ZFAND3: variants seen among roughly 807,000 people sequenced by gnomAD.
ZFAND3 encodes the protein AN1-type zinc finger protein 3.
A neutral mutation model predicts 29.6 loss-of-function variants in ZFAND3; 10 were observed. That is an observed-to-expected ratio of 0.34 (90% CI 0.21 to 0.57). The LOEUF is 0.57. ZFAND3 is among the 20% of genes least tolerant of loss of function. ZFAND3 has a pLI of 0.86. For missense variants in ZFAND3, 230 were observed against 304.5 expected (o/e 0.76, Z 1.82); for synonymous variants, 128 against 112.6 (o/e 1.14, Z -0.87).
At chr6:37,994,118 CTGTG>C (rs10535939) in intron 2 of ZFAND3, among the ~76,000 whole-genome samples, 55,074 of 150,592 alleles carry the variant, frequency 0.37, 10,696 homozygotes, top group East Asian at 0.57. Flanking sequence ...GAGTGTGTGT[CTGTG>C]TGTGTGTGTG....
chr6:38,094,370 T>G (rs1048079878), intron 4 of ZFAND3, among the ~76,000 whole-genome samples: 1 of 151,926 alleles, frequency 6.6e-6, no homozygotes, highest in African/African-American at 2.4e-5. Flanking sequence ...GCTCTCTTTG[T>G]TTTTTAATAA....
At chr6:37,973,696 A>G (rs1332179518) in intron 2 of ZFAND3, among the ~76,000 whole-genome samples, 2 of 152,238 alleles carry the variant, frequency 1.3e-5, no homozygotes, top group African/African-American at 4.8e-5. Flanking sequence ...TCTGAGAGAA[A>G]GTGATCCTTT....
At chr6:38,082,857 G>C (rs1210847747) in intron 4 of ZFAND3, among the ~76,000 whole-genome samples, 3 of 151,958 alleles carry the variant, frequency 2.0e-5, no homozygotes, top group Non-Finnish European at 4.4e-5. Context: ...TACTATTTTT[G>C]GATAATTATT....
intron 4 of ZFAND3, among the ~76,000 whole-genome samples, chr6:38,109,501 G>A (rs372619784): frequency 1.3e-5 from 2 of 152,000 alleles, no homozygotes; most frequent in African/African-American, 4.8e-5. Flanking sequence ...TTTCATTTAA[G>A]ATTGTTCTAT....
intron 1 of ZFAND3, among the ~76,000 whole-genome samples, chr6:37,864,702 T>G (rs1764553674): frequency 6.6e-6 from 1 of 152,158 alleles, no homozygotes; most frequent in South Asian, 2.1e-4. Flanking sequence ...TATGTGTGTA[T>G]GTTCATATGT....
intron 1 of ZFAND3, among the ~76,000 whole-genome samples, chr6:37,839,483 G>A (rs1384453757): frequency 1.4e-5 from 2 of 141,902 alleles, no homozygotes; most frequent in African/African-American, 5.3e-5. Context: ...TGCCCGGCCA[G>A]TTATTTTTTT....
At chr6:38,116,131 A>G (rs74909805) in intron 4 of ZFAND3, among the ~76,000 whole-genome samples, 9,973 of 152,308 alleles carry the variant, frequency 0.065, 450 homozygotes, top group Middle Eastern at 0.11. Context: ...ACAGAGATAC[A>G]TTAGACATAG....
chr6:38,150,514 C>T (rs1766199902), intron 5 of ZFAND3, among the ~76,000 whole-genome samples: 1 of 152,228 alleles, frequency 6.6e-6, no homozygotes, highest in African/African-American at 2.4e-5. Context: ...GAGTACATCA[C>T]ACACTTTTCT....
intron 3 of ZFAND3, among the ~76,000 whole-genome samples, chr6:38,069,331 A>C (rs1764407354): frequency 6.6e-6 from 1 of 152,182 alleles, no homozygotes; most frequent in African/African-American, 2.4e-5. Context: ...ATTTATTTAC[A>C]GTTCTCTGTG....
intron 5 of ZFAND3, among the ~76,000 whole-genome samples, chr6:38,124,400 C>CG (rs1562008371): frequency 1.3e-5 from 2 of 152,330 alleles, no homozygotes; most frequent in African/African-American, 4.8e-5. Flanking sequence ...AGGGGAGGCT[C>CG]GGGGCTGCGC....
intron 4 of ZFAND3, among the ~76,000 whole-genome samples, chr6:38,086,459 G>A (rs1764759559): frequency 6.6e-6 from 1 of 152,136 alleles, no homozygotes; most frequent in South Asian, 2.1e-4. Context: ...GTGAGTTAAA[G>A]CACATCATAC....
At chr6:38,139,044 T>A (rs1254044105) in intron 5 of ZFAND3, among the ~76,000 whole-genome samples, 1 of 152,126 alleles carries the variant, frequency 6.6e-6, no homozygotes, top group Non-Finnish European at 1.5e-5. Context: ...GGAGAAACCA[T>A]GAAGGATTCC....
chr6:38,121,281 T>G (rs544418799), intron 5 of ZFAND3, among the ~76,000 whole-genome samples: 1 of 152,290 alleles, frequency 6.6e-6, no homozygotes, highest in Admixed American at 6.5e-5. Flanking sequence ...GAGGCCAAGG[T>G]GGGAGGATGG....
intron 2 of ZFAND3, among the ~76,000 whole-genome samples, chr6:38,039,276 G>C (rs973672266): frequency 4.6e-5 from 7 of 152,190 alleles, no homozygotes; most frequent in Admixed American, 3.3e-4. Flanking sequence ...GAGATGATCT[G>C]AGGGTGTATA....
intron 1 of ZFAND3, among the ~76,000 whole-genome samples, chr6:37,854,229 G>GCAT (rs1764335728): frequency 6.6e-6 from 1 of 152,180 alleles, no homozygotes; most frequent in Non-Finnish European, 1.5e-5. Flanking sequence ...GGGATTACAA[G>GCAT]CGTGATCCAC....
chr6:37,985,802 T>A (rs1056345278), intron 2 of ZFAND3, among the ~76,000 whole-genome samples: 1 of 152,204 alleles, frequency 6.6e-6, no homozygotes, highest in South Asian at 2.1e-4. Flanking sequence ...GAGAATTAAG[T>A]TAGAAGAGGT....
chr6:38,033,515 T>TG lies in ZFAND3; in HGVS notation c.113-28078_113-28077insG, dbSNP rs564692570. Among the ~76,000 whole-genome samples the TG allele has an allele frequency of 1.2e-3, 184 of 152,272 alleles. 6 individuals carry two copies. The South Asian group carries it at 0.036, about 30-fold the overall frequency. On this transcript the variant is annotated intron_variant, in intron 2 of 5. Transcript: ENST00000287218. ...TCACAAGGAATGGCCTGCAGGCTGC[T>TG]TTAACCAGGTAATTAGAACAGCATG...
chr6:37,869,448 G>C (rs1764650966), intron 1 of ZFAND3, among the ~76,000 whole-genome samples: 1 of 151,942 alleles, frequency 6.6e-6, no homozygotes, highest in Non-Finnish European at 1.5e-5. Context: ...GTCAGCCACC[G>C]TGCCTGGCCG....
intron 1 of ZFAND3, among the ~76,000 whole-genome samples, chr6:37,859,599 G>A (rs7773419): frequency 0.21 from 32,579 of 152,026 alleles, 4,301 homozygotes; most frequent in African/African-American, 0.36. Flanking sequence ...TGCTTATTGG[G>A]GAGGGGCATG....
Sources: allele counts gnomAD v4.1 joint callset (sites outside exome capture counted in the v4.1 genomes callset), GRCh38; gene constraint gnomAD v4.1.1; transcripts MANE v1.5; gene names NCBI Gene and HGNC (gene_info 2026-07-23, HGNC 2026-07-21).